The following AFDN variants were observed in gnomAD, a reference collection of about 807,000 sequenced individuals.
AFDN encodes the protein afadin.
A neutral mutation model predicts 216.6 loss-of-function variants in AFDN; 68 were observed. That is an observed-to-expected ratio of 0.31 (90% CI 0.26 to 0.38). AFDN has a LOEUF of 0.38. AFDN is among the 10% of genes least tolerant of loss of function. The pLI is 1.00. For synonymous variants in AFDN, 868 were observed against 853.7 expected (o/e 1.02, Z -0.29); for missense variants, 2,136 against 2,342.0 (o/e 0.91, Z 1.82).
intron 12 of AFDN, among the ~76,000 whole-genome samples, chr6:167,905,340 T>C (rs1789526680): frequency 6.6e-6 from 1 of 152,202 alleles, no homozygotes; most frequent in Non-Finnish European, 1.5e-5. Context: ...TGTAGAAGAC[T>C]CTTGGGAACC....
At chr6:167,923,202 AC>A (rs1353076003) in intron 22 of AFDN, 19 of 375,580 alleles carry the variant, frequency 5.1e-5, no homozygotes, top group African/African-American at 3.8e-4. Flanking sequence ...GAACACTTAT[AC>A]CCATGGTTGT....
chr6:167,859,535 T>C (rs926911858), intron 1 of AFDN, among the ~76,000 whole-genome samples: 13 of 152,196 alleles, frequency 8.5e-5, no homozygotes, highest in Admixed American at 1.3e-4. Context: ...GTGCTAACCA[T>C]AGAAGAAAAG....
At chr6:167,937,941 A>G (rs1270839279) in intron 23 of AFDN, among the ~76,000 whole-genome samples, 1 of 152,242 alleles carries the variant, frequency 6.6e-6, no homozygotes, top group Non-Finnish European at 1.5e-5. Flanking sequence ...TTGGTAAACT[A>G]TAAGTCAACC....
rs776190956 is a variant in AFDN, at chr6:167,924,939, G to A, written c.3013-66G>A. The A allele has an allele frequency of 9.1e-6, 10 of 1,100,502 alleles. No individual in the cohort carries two copies. In the South Asian group the frequency reaches 1.2e-4, roughly 14 times the overall value. The allele number at this position is 1,100,502 out of a possible 1,614,324, so 68.2% of individuals were successfully genotyped here. A position where few individuals can be genotyped will look rare whatever the true frequency, so the allele number is the denominator to read the frequency against. Reference sequence around the variant, plus strand: ...GTGAACATGATTGACTAGATCATGAGTTGTCTAACCATACAGAAGCACTTC... The same window carrying A: ...GTGAACATGATTGACTAGATCATGAATTGTCTAACCATACAGAAGCACTTC... On this transcript the variant is annotated intron_variant, in intron 22 of 33. Coordinates refer to ENST00000683244, the MANE Select transcript of AFDN (RefSeq NM_001386888.1).
rs1305525866 is a variant in AFDN, at chr6:167,965,938, G to A, written c.5150G>A (p.Arg1717Gln). Reference protein sequence around the residue: ...APGAPPPPPQRNASYLKTQVL... With the variant: ...APGAPPPPPQQNASYLKTQVL... The stretch of plus-strand genomic sequence containing the variant: ...GGCGCCCCTCCTCCCCCGCCTCAGC[G>A]AAACGCCTCCTACCTCAAAACACAG... The change falls in exon 32 of 34, where the codon CGA becomes CAA. Residue 1717 changes from arginine (R) to glutamine (Q), a missense_variant. Physicochemically the swap from Arg to Gln is conservative, Grantham distance 43 (BLOSUM62 1). Around this residue, in one of 8 missense-constraint regions of AFDN, gnomAD observed 981 missense variants for 966.0 expected, o/e 1.02. Transcript: ENST00000683244. The A allele has an allele frequency of 4.5e-6, 7 of 1,544,748 alleles. No individual in the cohort carries two copies. Among genetic ancestry groups the A allele is most frequent in the African/African-American group, 2.8e-5 (2 of 72,202 alleles).
intron 30 of AFDN, chr6:167,952,619 A>G (rs1796120517): frequency 2.2e-6 from 1 of 450,226 alleles, no homozygotes. Flanking sequence ...GTTGTAGCAC[A>G]AAAGCAGCCA....
chr6:167,938,744 A>G (rs1331822501), intron 23 of AFDN, among the ~76,000 whole-genome samples: 1 of 152,086 alleles, frequency 6.6e-6, no homozygotes, highest in Non-Finnish European at 1.5e-5. Context: ...TAGGAAGGAA[A>G]AGAGCCTAGT....
In AFDN at chr6:167,902,332, A is replaced by G. The variant is rs895257160; in HGVS notation, c.1596A>G (p.Thr532=). 3 of 1,612,718 alleles carry G rather than the reference A, an allele frequency of 1.9e-6. No individual in the cohort carries two copies. In the African/African-American group the frequency reaches 4.0e-5, roughly 22 times the overall value. The stretch of plus-strand genomic sequence containing the variant: ...ATCCCATCAGAATTGTTCAGGAGAC[A>G]ACTTTTGATTTGGGAGGAGATATTC... ...PRHKPGIVQE[T]TFDLGGDIHS... is the part of the protein sequence containing the mutation. The change falls in exon 12 of 34, where the codon ACA becomes ACG. Residue 532 remains threonine, a synonymous_variant. Coordinates refer to ENST00000683244, the MANE Select transcript of AFDN (RefSeq NM_001386888.1).
intron 10 of AFDN, among the ~76,000 whole-genome samples, chr6:167,897,641 C>CCTTTT: frequency 1.1e-5 from 1 of 90,622 alleles, no homozygotes; most frequent in East Asian, 3.6e-4. Flanking sequence ...TGACTGTATG[C>CCTTTT]CTTTTTTTTT....
intron 1 of AFDN, among the ~76,000 whole-genome samples, chr6:167,839,465 C>T (rs2128122783): frequency 6.6e-6 from 1 of 152,034 alleles, no homozygotes; most frequent in East Asian, 1.9e-4. Context: ...TTCATTCAGA[C>T]TGGTATTTAT....
At chr6:167,926,628 C>T (rs571378551) in intron 23 of AFDN, among the ~76,000 whole-genome samples, 67 of 152,276 alleles carry the variant, frequency 4.4e-4, no homozygotes, top group African/African-American at 1.2e-3. Context: ...GACAGGGTCT[C>T]GCTATGCTGC....
chr6:167,832,630 C>T (rs1238057220), intron 1 of AFDN, among the ~76,000 whole-genome samples: 1 of 152,252 alleles, frequency 6.6e-6, no homozygotes, highest in South Asian at 2.1e-4. Context: ...AAGGTATTTT[C>T]CCAGTGTATT....
chr6:167,882,307 AAAAG>A (rs776942218), intron 6 of AFDN, among the ~76,000 whole-genome samples: 2 of 152,100 alleles, frequency 1.3e-5, no homozygotes, highest in Non-Finnish European at 2.9e-5. Context: ...ATCAAACAGA[AAAAG>A]AAGTAAAACA....
chr6:167,943,018 G>T (rs932579068), intron 23 of AFDN, 111 bp from the exon 24 acceptor site: 2 of 699,566 alleles, frequency 2.9e-6, no homozygotes, highest in Non-Finnish European at 4.7e-6. Context: ...GGACTTTGTT[G>T]CAGTTATCTG....
intron 1 of AFDN, among the ~76,000 whole-genome samples, chr6:167,832,803 C>T (rs776894938): frequency 6.6e-6 from 1 of 152,194 alleles, no homozygotes; most frequent in South Asian, 2.1e-4. Flanking sequence ...AATTGTATGG[C>T]TTACAGAAAA....
At position 167,891,130 on chromosome 6, in the gene AFDN, A is replaced by G. The variant is rs984446127; in HGVS notation, c.1177+101A>G. 2.0e-5 allele frequency: 19 copies of G among 967,754 alleles called. No homozygotes were observed. The African/African-American group carries it at 2.8e-4, about 14-fold the overall frequency. The allele number at this position is 967,754 out of a possible 1,614,324, so 59.9% of individuals were successfully genotyped here. On this transcript the variant is annotated intron_variant, in intron 8 of 33. Coordinates refer to ENST00000683244, the MANE Select transcript of AFDN (RefSeq NM_001386888.1). ...TCTTCAAGTAGTCTTCTGTTGGCTG[A>G]CTTAACATTTTTAGCCATTTATTTT...
chr6:167,923,878 G>A (rs1195660472), intron 22 of AFDN, among the ~76,000 whole-genome samples: 1 of 151,854 alleles, frequency 6.6e-6, no homozygotes, highest in East Asian at 1.9e-4. Context: ...GCCCACCTCA[G>A]CCTCCCAAAG....
chr6:167,961,727 T>C (rs2128743571), intron 30 of AFDN, among the ~76,000 whole-genome samples: 1 of 152,142 alleles, frequency 6.6e-6, no homozygotes. Flanking sequence ...GACTGAGAGG[T>C]CAACATTAGG....
intron 19 of AFDN, 37 bp downstream of exon 19, chr6:167,915,470 A>G: frequency 1.6e-5 from 25 of 1,568,740 alleles, no homozygotes; most frequent in Non-Finnish European, 2.2e-5. Flanking sequence ...CATGTGCTTT[A>G]TGATAAAGGC....
Sources: allele counts gnomAD v4.1 joint callset (sites outside exome capture counted in the v4.1 genomes callset), GRCh38; gene constraint gnomAD v4.1.1; regional missense constraint gnomAD v4.1.1; transcripts MANE v1.5; gene names NCBI Gene and HGNC (gene_info 2026-07-23, HGNC 2026-07-21).